HPCAL1: variants seen among roughly 807,000 people sequenced by gnomAD.
HPCAL1 encodes the protein hippocalcin-like protein 1.
HPCAL1 carries 8 observed loss-of-function variants against 17.1 expected under a neutral mutation model. The ratio of observed to expected loss-of-function variants is 0.47; its 90% CI spans 0.27 to 0.84. The LOEUF is 0.84. Among genes scored for constraint, HPCAL1 ranks in the 40% least tolerant of loss-of-function variants. The pLI is 0.13. For missense variants in HPCAL1, 165 were observed against 271.1 expected, an observed-to-expected ratio of 0.61 and a Z score of 2.75; for synonymous variants, 112 against 111.4, an observed-to-expected ratio of 1.01 and a Z score of -0.03.
At chr2:10,337,325 A>G (rs1039576630) in intron 1 of HPCAL1, among the ~76,000 whole-genome samples, 4 of 152,168 alleles carry the variant, frequency 2.6e-5, no homozygotes, top group African/African-American at 9.7e-5. Flanking sequence ...TACATTAGGA[A>G]TATGCATATT....
chr2:10,423,419 C>T (rs997560213), intron 4 of HPCAL1: 13 of 261,010 alleles, frequency 5.0e-5, no homozygotes, highest in Non-Finnish European at 8.4e-5. Flanking sequence ...TGGCCCTGAA[C>T]CTGGAGGGGT....
Position 10,304,890 on chromosome 2 carries a change from C to T in HPCAL1, c.-111+1713C>T, listed in dbSNP as rs867164815. On this transcript the variant is annotated intron_variant, in intron 1 of 4. Transcript: ENST00000307845. The surrounding 1 kb of genome is among the most constrained non-coding windows in gnomAD (Gnocchi z 4.1). ...TGGGCTGCGGAGGGGACAGCATGGG[C>T]GGCCTTTTGGTATGGATGCGCTTCC... Among the ~76,000 whole-genome samples, 35 of 151,782 alleles carry T rather than the reference C, an allele frequency of 2.3e-4. No individual in the cohort carries two copies. Among genetic ancestry groups the T allele is most frequent in the African/African-American group, 7.5e-4 (31 of 41,502 alleles).
chr2:10,337,067 C>T (rs781131388), intron 1 of HPCAL1, among the ~76,000 whole-genome samples: 3 of 152,094 alleles, frequency 2.0e-5, no homozygotes, highest in Non-Finnish European at 4.4e-5. Flanking sequence ...CAATATACCT[C>T]TTAAAGCTTC....
intron 1 of HPCAL1, among the ~76,000 whole-genome samples, chr2:10,321,690 T>C (rs1174246462): frequency 1.3e-5 from 2 of 152,218 alleles, no homozygotes; most frequent in Admixed American, 1.3e-4. Flanking sequence ...TTGCCACTTC[T>C]GGACATTTTA....
intron 1 of HPCAL1, chr2:10,303,609 AG>A (rs1227767374): frequency 5.6e-5 from 3 of 53,586 alleles, no homozygotes; most frequent in Non-Finnish European, 1.0e-4. Context: ...CCTCGAGGAC[AG>A]CTGGGACCCG....
chr2:10,325,907 TG>T (rs1663980521), intron 1 of HPCAL1, among the ~76,000 whole-genome samples: 1 of 152,154 alleles, frequency 6.6e-6, no homozygotes, highest in South Asian at 2.1e-4. Flanking sequence ...TCCACTGTGT[TG>T]GGGGAAAGTT....
chr2:10,410,788 C>T (rs1487351448), intron 2 of HPCAL1, among the ~76,000 whole-genome samples: 23 of 151,848 alleles, frequency 1.5e-4, no homozygotes, highest in Admixed American at 1.5e-3. Flanking sequence ...GGCTGTTCTG[C>T]TGGGAAACGT....
rs1053687530 is a variant in HPCAL1, at chr2:10,343,996, C to T, written c.-111+40819C>T. On this transcript the variant is annotated intron_variant, in intron 1 of 4. Coordinates refer to ENST00000307845, the MANE Select transcript of HPCAL1 (RefSeq NM_002149.4). The surrounding 1 kb of genome is among the most constrained non-coding windows in gnomAD (Gnocchi z 4.8). ...TCAGACCCGGCAGGAGTACCGGCGG[C>T]TGTGTGGTGCATCCTGCACAGAGCT... 1.6e-4 allele frequency among the ~76,000 whole-genome samples: 24 copies of T among 152,196 alleles called. No individual in the cohort carries two copies. Among genetic ancestry groups the T allele is most frequent in the African/African-American group, 5.8e-4 (24 of 41,446 alleles).
At chr2:10,318,967 T>G (rs984514416) in intron 1 of HPCAL1, among the ~76,000 whole-genome samples, 1 of 152,216 alleles carries the variant, frequency 6.6e-6, no homozygotes, top group Admixed American at 6.5e-5. Flanking sequence ...GTAGCGTCTA[T>G]ATCCTCATCT....
At chr2:10,386,386 G>C (rs373555901) in intron 1 of HPCAL1, among the ~76,000 whole-genome samples, 9 of 152,254 alleles carry the variant, frequency 5.9e-5, no homozygotes, top group Admixed American at 5.9e-4. Context: ...TTTATTCTTT[G>C]GTTGTTGTTT....
At chr2:10,369,898 C>A (rs1667103205) in intron 1 of HPCAL1, among the ~76,000 whole-genome samples, 2 of 152,334 alleles carry the variant, frequency 1.3e-5, no homozygotes, top group South Asian at 4.1e-4. Flanking sequence ...GTCCTTGAGA[C>A]CTCCTTACTC....
chr2:10,346,934 C>A (rs975494504), intron 1 of HPCAL1, among the ~76,000 whole-genome samples: 3 of 143,548 alleles, frequency 2.1e-5, no homozygotes, highest in Non-Finnish European at 4.5e-5. Context: ...AACATTTGTT[C>A]CTCTTGTCAT....
At chr2:10,328,076 C>T (rs752521071) in intron 1 of HPCAL1, among the ~76,000 whole-genome samples, 8 of 152,178 alleles carry the variant, frequency 5.3e-5, no homozygotes, top group Non-Finnish European at 1.0e-4. Context: ...CTATGTGATG[C>T]GGAAAGACAG....
At chr2:10,420,176 G>GTCCCCTCCCAGC in intron 3 of HPCAL1, 41 bp downstream of exon 3, 3 of 1,491,684 alleles carry the variant, frequency 2.0e-6, no homozygotes, top group Non-Finnish European at 2.7e-6. Context: ...GCGGGCCCAG[G>GTCCCCTCCCAGC]TCCCCTCCCA....
intron 1 of HPCAL1, among the ~76,000 whole-genome samples, chr2:10,368,226 C>T (rs561599545): frequency 1.4e-5 from 2 of 144,180 alleles, no homozygotes; most frequent in East Asian, 2.5e-4. Flanking sequence ...TGCGTGTGTA[C>T]ACATATGCAT....
chr2:10,419,668 C>G lies in HPCAL1; in HGVS notation c.-24-66C>G. On this transcript the variant is annotated intron_variant, in intron 2 of 4. Coordinates refer to ENST00000307845, the MANE Select transcript of HPCAL1 (RefSeq NM_002149.4). The surrounding 1 kb of genome is among the most constrained non-coding windows in gnomAD (Gnocchi z 5.0). Reference sequence around the variant, plus strand: ...CAGCGATGGGCTTATTTGGTCTCTCCGGCACATGGCTCAGCCCTGCTCCGT... The same window carrying G: ...CAGCGATGGGCTTATTTGGTCTCTCGGGCACATGGCTCAGCCCTGCTCCGT... The G allele has an allele frequency of 6.7e-7, 1 of 1,485,850 alleles. No homozygotes were observed. Among genetic ancestry groups the G allele is most frequent in the South Asian group, 1.3e-5 (1 of 75,608 alleles). 92.0% of individuals were successfully genotyped at this position (1,485,850 alleles called of 1,614,324 possible). A position where few individuals can be genotyped will look rare whatever the true frequency, so the allele number is the denominator to read the frequency against.
chr2:10,400,825 C>T (rs1669560297), intron 2 of HPCAL1, among the ~76,000 whole-genome samples: 1 of 152,230 alleles, frequency 6.6e-6, no homozygotes, highest in Non-Finnish European at 1.5e-5. Context: ...TTGGCATTCT[C>T]ATCTGCCCTG....
intron 1 of HPCAL1, among the ~76,000 whole-genome samples, chr2:10,327,357 A>G (rs1301211773): frequency 1.3e-5 from 2 of 152,212 alleles, no homozygotes; most frequent in African/African-American, 4.8e-5. Flanking sequence ...AGGAAGGATC[A>G]TACCAGTGAC....
chr2:10,374,552 C>G (rs1459974956), intron 1 of HPCAL1, among the ~76,000 whole-genome samples: 1 of 152,268 alleles, frequency 6.6e-6, no homozygotes, highest in Non-Finnish European at 1.5e-5. Context: ...ATCCTGTCTG[C>G]AGGGCCCATG....
Sources: gnomAD v4.1 joint callset for allele counts (sites outside exome capture counted in the v4.1 genomes callset) on GRCh38, gnomAD v4.1.1 for gene constraint, Gnocchi (gnomAD v3.1) non-coding constraint, MANE v1.5 for transcripts, NCBI Gene and HGNC (gene_info 2026-07-23, HGNC 2026-07-21) for gene names.